Variants in FAM76A observed in about 807,000 individuals in gnomAD.
FAM76A encodes the protein family with sequence similarity 76 member A, also known as protein FAM76A.
In FAM76A, 32 loss-of-function variants were observed where a neutral mutation model predicts 46.2. The observed-to-expected ratio is 0.69, with a 90% CI of 0.52 to 0.93. The LOEUF is 0.93. Among genes scored for constraint, FAM76A ranks in the 40% least tolerant of loss-of-function variants. The pLI is 0.00. For synonymous variants in FAM76A, 137 were observed against 127.0 expected, an observed-to-expected ratio of 1.08 and a Z score of -0.53; for missense variants, 274 against 361.5, an observed-to-expected ratio of 0.76 and a Z score of 1.96.
At chr1:27,747,074 T>A (rs1355717845) in intron 5 of FAM76A, among the ~76,000 whole-genome samples, 2 of 152,018 alleles carry the variant, frequency 1.3e-5, no homozygotes, top group Non-Finnish European at 2.9e-5. Flanking sequence ...AGGCACTCTC[T>A]CTAAAATTAA....
At position 27,734,020 on chromosome 1, in the gene FAM76A, C is replaced by A. The variant is rs768949526; in HGVS notation, c.202-11C>A. On this transcript the variant is annotated splice_polypyrimidine_tract_variant and intron_variant, in intron 3 of 8. Transcript: ENST00000373954. ...AGTAATACTTACTTGACTCTTTTTTCCCCTTTTAAGCCCAAACCTTGTCAG... is the reference window on the plus strand; with the variant it reads ...AGTAATACTTACTTGACTCTTTTTTACCCTTTTAAGCCCAAACCTTGTCAG... 6.3e-7 allele frequency: 1 copy of A among 1,593,550 alleles called. No individual in the cohort carries two copies. Among genetic ancestry groups the A allele is most frequent in the Non-Finnish European group, 8.5e-7 (1 of 1,174,920 alleles).
chr1:27,755,124 G>T, intron 6 of FAM76A, 71 bp from the exon 7 acceptor site: 1 of 1,562,860 alleles, frequency 6.4e-7, no homozygotes, highest in Non-Finnish European at 8.8e-7. Context: ...AAGTGGTCTA[G>T]GATGCATCCT....
At chr1:27,743,277 A>C (rs931625404) in intron 4 of FAM76A, among the ~76,000 whole-genome samples, 24 of 152,006 alleles carry the variant, frequency 1.6e-4, no homozygotes, top group Admixed American at 6.6e-5. Flanking sequence ...CAGCCTCCCT[A>C]GTAGCTGGGA....
intron 6 of FAM76A, among the ~76,000 whole-genome samples, chr1:27,753,402 C>T (rs913031016): frequency 6.6e-6 from 1 of 152,104 alleles, no homozygotes; most frequent in African/African-American, 2.4e-5. Flanking sequence ...AAAGACAGGT[C>T]CTTAGCAGGT....
chr1:27,729,737 G>A (rs2087923610), intron 2 of FAM76A, among the ~76,000 whole-genome samples: 1 of 152,124 alleles, frequency 6.6e-6, no homozygotes, highest in Non-Finnish European at 1.5e-5. Flanking sequence ...ATTATTTAGA[G>A]TTAAATATTT....
At chr1:27,751,750 T>G (rs1227257022) in intron 6 of FAM76A, among the ~76,000 whole-genome samples, 1 of 152,046 alleles carries the variant, frequency 6.6e-6, no homozygotes, top group Non-Finnish European at 1.5e-5. Context: ...GATCCTCCTA[T>G]GTTGGCCTCC....
chr1:27,741,157 A>G (rs1219826824), intron 4 of FAM76A, among the ~76,000 whole-genome samples: 1 of 148,026 alleles, frequency 6.8e-6, no homozygotes, highest in Non-Finnish European at 1.5e-5. Flanking sequence ...ACAACAATTC[A>G]TGTGGTGAAA....
chr1:27,753,804 C>T (rs904439747), intron 6 of FAM76A, among the ~76,000 whole-genome samples: 1 of 152,078 alleles, frequency 6.6e-6, no homozygotes, highest in Non-Finnish European at 1.5e-5. Context: ...AACAGTGAGT[C>T]GTTACTATAT....
intron 4 of FAM76A, among the ~76,000 whole-genome samples, chr1:27,735,574 G>C (rs1016657716): frequency 1.3e-5 from 2 of 152,128 alleles, no homozygotes; most frequent in Non-Finnish European, 2.9e-5. Context: ...TATTGACCAG[G>C]ATACTCCTGC....
chr1:27,740,022 C>A, intron 4 of FAM76A: 1 of 358,538 alleles, frequency 2.8e-6, no homozygotes, highest in Non-Finnish European at 5.5e-6. Context: ...GGGTCAAGTG[C>A]CTCCGTATTC....
intron 4 of FAM76A, chr1:27,740,159 G>A (rs878861483): frequency 1.9e-6 from 1 of 521,826 alleles, no homozygotes; most frequent in South Asian, 1.8e-5. Flanking sequence ...TACATGTGAT[G>A]GTGTCCAAGC....
chr1:27,739,766 C>T (rs553579041), intron 4 of FAM76A, among the ~76,000 whole-genome samples: 3 of 151,950 alleles, frequency 2.0e-5, no homozygotes, highest in Non-Finnish European at 2.9e-5. Context: ...CCAGCCTGGG[C>T]GAGATTGTGA....
intron 2 of FAM76A, among the ~76,000 whole-genome samples, chr1:27,731,696 AT>A (rs1261729527): frequency 2.6e-5 from 4 of 151,336 alleles, no homozygotes; most frequent in Admixed American, 6.6e-5. Flanking sequence ...AGGAGAATTT[AT>A]TTTTTTTTCC....
chr1:27,736,713 G>C (rs1046327755), intron 4 of FAM76A, among the ~76,000 whole-genome samples: 1 of 151,856 alleles, frequency 6.6e-6, no homozygotes, highest in African/African-American at 2.4e-5. Flanking sequence ...TCAGCCTCCA[G>C]AGCAGCTGGG....
intron 5 of FAM76A, among the ~76,000 whole-genome samples, chr1:27,746,801 A>C (rs773075838): frequency 1.6e-4 from 25 of 152,088 alleles, no homozygotes; most frequent in Non-Finnish European, 3.1e-4. Context: ...GGCCAGATAC[A>C]TTGGCTGGCT....
chr1:27,745,304 G>A (rs766249289), intron 5 of FAM76A, among the ~76,000 whole-genome samples: 3 of 152,054 alleles, frequency 2.0e-5, no homozygotes, highest in African/African-American at 4.8e-5. Flanking sequence ...GTTCTCTGCG[G>A]GGATCTTGGG....
At chr1:27,733,954 T>G in intron 3 of FAM76A, 77 bp from the exon 4 acceptor site, 1 of 1,411,536 alleles carries the variant, frequency 7.1e-7, no homozygotes, top group South Asian at 1.3e-5. Context: ...AACTACAAAG[T>G]AGGAATTATT....
At chr1:27,756,885 C>T (rs1181993451) in intron 7 of FAM76A, among the ~76,000 whole-genome samples, 2 of 151,828 alleles carry the variant, frequency 1.3e-5, no homozygotes, top group Non-Finnish European at 2.9e-5. Context: ...TTGGTGAAAC[C>T]TCATCTCTGC....
chr1:27,731,402 C>T (rs974497673), intron 2 of FAM76A, among the ~76,000 whole-genome samples: 5 of 151,816 alleles, frequency 3.3e-5, no homozygotes, highest in Admixed American at 1.3e-4. Context: ...GACATGGTTT[C>T]ACCATGTTGG....
Sources: allele counts gnomAD v4.1 joint callset (sites outside exome capture counted in the v4.1 genomes callset), GRCh38; gene constraint gnomAD v4.1.1; transcripts MANE v1.5; gene names NCBI Gene and HGNC (gene_info 2026-07-23, HGNC 2026-07-21).